The following GPRC6A variants were observed in gnomAD, a reference collection of about 807,000 sequenced individuals.
GPRC6A encodes the protein G protein-coupled receptor family C group 6 member A.
Under a neutral mutation model 47.0 loss-of-function variants are expected in GPRC6A, and 54 were observed. The ratio of observed to expected loss-of-function variants is 1.15; its 90% confidence interval spans 0.92 to 1.44. GPRC6A has a LOEUF of 1.44. Among genes scored for constraint, GPRC6A ranks in the 40% most tolerant of loss-of-function variants. The pLI is 0.00. For synonymous variants in GPRC6A, 347 were observed against 377.1 expected (o/e 0.92, Z 0.93); for missense variants, 1,112 against 1,105.5 (o/e 1.01, Z -0.08).
chr6:116,817,875 A>G (rs1773284334), intron 1 of GPRC6A, among the ~76,000 whole-genome samples: 1 of 152,044 alleles, frequency 6.6e-6, no homozygotes, highest in South Asian at 2.1e-4. Context: ...GAAATATGGG[A>G]CTATGTGAAA....
At position 116,792,871 on chromosome 6, in the gene GPRC6A, A is replaced by C; in HGVS notation, c.2052T>G (p.Ile684Met). The change falls in exon 6 of 6, where the codon ATT becomes ATG. Residue 684 changes from isoleucine (I) to methionine (M), a missense_variant. Transcript: ENST00000310357. Reference sequence around the variant, plus strand: ...TGGGATCAAAGCTGAAGGCTAGCAAAATTTTCAGAGACTTCGTCAAAATGC... The same window carrying C: ...TGGGATCAAAGCTGAAGGCTAGCAACATTTTCAGAGACTTCGTCAAAATGC... ...ISCILTKSLK[I>M]LLAFSFDPKL... 6.2e-7 allele frequency: 1 copy of C among 1,614,088 alleles called. No homozygotes were observed. The highest frequency in any genetic ancestry group is 8.5e-7 in the Non-Finnish European group (1 of 1,179,988).
At position 116,792,297 on chromosome 6, in the gene GPRC6A, C is replaced by T. The variant is rs191908044; in HGVS notation, c.2626G>A (p.Gly876Ser). The change falls in exon 6 of 6, where the codon GGC becomes AGC. Residue 876 changes from glycine (G) to serine (S), a missense_variant. Physicochemically the swap from Gly to Ser is moderately conservative, Grantham distance 56. Transcript: ENST00000310357. Reference sequence around the variant, plus strand: ...CTGGGATTGGTCATTGTGACATTGCCGCTCATGGAGTCCAGTGAAGCAGGA... The same window carrying T: ...CTGGGATTGGTCATTGTGACATTGCTGCTCATGGAGTCCAGTGAAGCAGGA... Reference protein sequence around the residue: ...LSPASLDSMSGNVTMTNPSSS... With the variant: ...LSPASLDSMSSNVTMTNPSSS... The T allele has an allele frequency of 3.2e-5, 51 of 1,613,992 alleles. No homozygotes were observed. The highest frequency in any genetic ancestry group is 2.3e-4 in the Admixed American group (14 of 59,988).
At chr6:116,822,944 C>T (rs1411202894) in intron 1 of GPRC6A, among the ~76,000 whole-genome samples, 2 of 150,396 alleles carry the variant, frequency 1.3e-5, no homozygotes, top group African/African-American at 4.9e-5. Context: ...CCCTCCTAGA[C>T]CTCTGGGCCT....
chr6:116,806,051 C>G (rs142007017), intron 3 of GPRC6A, among the ~76,000 whole-genome samples: 1,674 of 152,146 alleles, frequency 0.011, 28 homozygotes, highest in Admixed American at 0.04. Flanking sequence ...TCTGCTCTAA[C>G]TCTTGTGTTT....
chr6:116,808,467 T>G (rs1772922842), intron 2 of GPRC6A, among the ~76,000 whole-genome samples: 1 of 152,156 alleles, frequency 6.6e-6, no homozygotes, highest in Non-Finnish European at 1.5e-5. Flanking sequence ...TTTTGTTTAA[T>G]CGTTTTGGAT....
chr6:116,797,348 C>A (rs1198315952), intron 4 of GPRC6A, among the ~76,000 whole-genome samples: 3 of 152,074 alleles, frequency 2.0e-5, no homozygotes, highest in Non-Finnish European at 4.4e-5. Context: ...TGATCAAGAG[C>A]AAAGACAGTC....
intron 1 of GPRC6A, among the ~76,000 whole-genome samples, chr6:116,825,102 C>T (rs1582483413): frequency 2.0e-5 from 3 of 152,074 alleles, no homozygotes; most frequent in East Asian, 3.9e-4. Context: ...TAATAAAGGC[C>T]ATATATGACA....
At chr6:116,799,110 G>A (rs1772580931) in intron 4 of GPRC6A, among the ~76,000 whole-genome samples, 2 of 152,094 alleles carry the variant, frequency 1.3e-5, no homozygotes, top group South Asian at 2.1e-4. Flanking sequence ...AGGAGAAGGG[G>A]GTTGCTGTTT....
chr6:116,828,034 G>A (rs772280666), intron 1 of GPRC6A, among the ~76,000 whole-genome samples: 2 of 152,110 alleles, frequency 1.3e-5, no homozygotes, highest in African/African-American at 4.8e-5. Context: ...AGCTGATGCT[G>A]CCTGTGTCCT....
In GPRC6A at chr6:116,807,172, T is replaced by C. The variant is rs770584312; in HGVS notation, c.533A>G (p.Asp178Gly). Reference sequence around the variant, plus strand: ...TAAAAATGAAGGAAAGCGAATTTTGTCACTCAGGATTTCTGCAGTTGATTC... The same window carrying C: ...TAAAAATGAAGGAAAGCGAATTTTGCCACTCAGGATTTCTGCAGTTGATTC... Reference protein sequence around the residue: ...GYESTAEILSDKIRFPSFLRT... With the variant: ...GYESTAEILSGKIRFPSFLRT... The change falls in exon 3 of 6, where the codon GAC (aspartate) becomes GGC (glycine). Residue 178 changes from aspartate (D) to glycine (G), a missense_variant. Physicochemically the swap from Asp to Gly is moderately conservative, Grantham distance 94. Coordinates refer to ENST00000310357, the MANE Select transcript of GPRC6A (RefSeq NM_148963.4). The C allele has an allele frequency of 1.9e-6, 3 of 1,613,184 alleles. No individual in the cohort carries two copies. Among genetic ancestry groups the C allele is most frequent in the East Asian group, 2.2e-5 (1 of 44,870 alleles).
intron 1 of GPRC6A, among the ~76,000 whole-genome samples, chr6:116,812,751 T>C (rs1191977433): frequency 6.6e-6 from 1 of 152,224 alleles, no homozygotes; most frequent in African/African-American, 2.4e-5. Context: ...TTGGAAGTTC[T>C]GGCCAGGGCA....
chr6:116,800,451 T>C (rs1053519547), intron 4 of GPRC6A, 133 bp downstream of exon 4: 7 of 435,598 alleles, frequency 1.6e-5, no homozygotes, highest in African/African-American at 1.5e-4. Flanking sequence ...GGAGCTACAC[T>C]GATTAGGCAG....
intron 1 of GPRC6A, among the ~76,000 whole-genome samples, chr6:116,820,660 C>T (rs1386280266): frequency 2.6e-5 from 4 of 151,352 alleles, no homozygotes; most frequent in East Asian, 3.9e-4. Context: ...ATTCAACAAC[C>T]CTTCATGCTA....
At chr6:116,820,595 CA>C (rs1439952701) in intron 1 of GPRC6A, among the ~76,000 whole-genome samples, 2 of 148,256 alleles carry the variant, frequency 1.3e-5, no homozygotes, top group Non-Finnish European at 3.0e-5. Flanking sequence ...TAAACAGAGC[CA>C]AAGACAAAAA....
intron 3 of GPRC6A, among the ~76,000 whole-genome samples, chr6:116,802,540 G>A (rs1400843575): frequency 6.6e-6 from 1 of 152,138 alleles, no homozygotes; most frequent in Non-Finnish European, 1.5e-5. Context: ...TAACTGTGCT[G>A]ATGCTTGCTC....
intron 1 of GPRC6A, among the ~76,000 whole-genome samples, chr6:116,815,261 T>A (rs1773169173): frequency 6.6e-6 from 1 of 152,130 alleles, no homozygotes. Flanking sequence ...GGCAGGTGGA[T>A]CACTTGAGGT....
chr6:116,807,915 G>A (rs1411679742), intron 2 of GPRC6A, among the ~76,000 whole-genome samples: 1 of 151,900 alleles, frequency 6.6e-6, no homozygotes, highest in Non-Finnish European at 1.5e-5. Flanking sequence ...CATAGCTTTG[G>A]TGAATTATTA....
intron 1 of GPRC6A, among the ~76,000 whole-genome samples, chr6:116,822,813 A>C (rs1369638234): frequency 6.6e-6 from 1 of 151,420 alleles, no homozygotes; most frequent in Non-Finnish European, 1.5e-5. Context: ...ATACAAATGT[A>C]ACTAACCTGT....
At chr6:116,795,199 G>A (rs1355189623) in intron 5 of GPRC6A, among the ~76,000 whole-genome samples, 3 of 152,186 alleles carry the variant, frequency 2.0e-5, no homozygotes, top group African/African-American at 7.2e-5. Context: ...CCTGTTGATA[G>A]TTGGTCCCTT....
Sources: allele counts gnomAD v4.1 joint callset (sites outside exome capture counted in the v4.1 genomes callset), GRCh38; gene constraint gnomAD v4.1.1; transcripts MANE v1.5; gene names NCBI Gene and HGNC (gene_info 2026-07-23, HGNC 2026-07-21).